DTNB: variants seen among roughly 807,000 people sequenced by gnomAD.
The protein encoded by DTNB is dystrobrevin beta.
A neutral mutation model predicts 90.7 loss-of-function variants in DTNB; 63 were observed. The ratio of observed to expected loss-of-function variants is 0.69; its 90% CI spans 0.57 to 0.86. The LOEUF (loss-of-function observed/expected upper bound fraction) is 0.86, where lower values mean the gene tolerates loss of function less well. Among genes scored for constraint, DTNB ranks in the 40% least tolerant of loss-of-function variants. The pLI is 0.00. For missense variants in DTNB, 744 were observed against 807.1 expected, an observed-to-expected ratio of 0.92 and a Z score of 0.95; for synonymous variants, 277 against 286.7, an observed-to-expected ratio of 0.97 and a Z score of 0.34.
At chr2:25,587,728 G>C (rs891983268) in intron 6 of DTNB, among the ~76,000 whole-genome samples, 1 of 152,056 alleles carries the variant, frequency 6.6e-6, no homozygotes, top group Non-Finnish European at 1.5e-5. Flanking sequence ...TCCTTCACAG[G>C]CCCAACTAGA....
At chr2:25,472,770 G>A (rs2063048045) in intron 10 of DTNB, among the ~76,000 whole-genome samples, 1 of 152,230 alleles carries the variant, frequency 6.6e-6, no homozygotes, top group Non-Finnish European at 1.5e-5. Context: ...TGTAGTCACA[G>A]CTACTCAGGA....
chr2:25,387,614 G>A lies in DTNB; in HGVS notation c.1736-236C>T, dbSNP rs1381036673. On this transcript the variant is annotated intron_variant, in intron 17 of 20. Transcript: ENST00000406818. The surrounding 1 kb of genome is among the most constrained non-coding windows in gnomAD (Gnocchi z 4.5). ...GGGAGCAGCATCCTGTCAACTCCACGCTTTGCCGCCACCACACAATCCAGA... is the reference window on the plus strand; with the variant it reads ...GGGAGCAGCATCCTGTCAACTCCACACTTTGCCGCCACCACACAATCCAGA... 1.3e-5 allele frequency among the ~76,000 whole-genome samples: 2 copies of A among 152,090 alleles called. No individual in the cohort carries two copies. Among genetic ancestry groups the A allele is most frequent in the South Asian group, 2.1e-4 (1 of 4,822 alleles).
intron 9 of DTNB, among the ~76,000 whole-genome samples, chr2:25,512,830 A>G (rs528931701): frequency 8.5e-4 from 129 of 152,346 alleles, no homozygotes; most frequent in Middle Eastern, 3.4e-3. Context: ...AAGGGTAGGA[A>G]GGCAGCAGGT....
intron 1 of DTNB, among the ~76,000 whole-genome samples, chr2:25,668,147 G>A (rs948820304): frequency 6.6e-6 from 1 of 152,162 alleles, no homozygotes; most frequent in Admixed American, 6.5e-5. Context: ...GCTGAGGCAG[G>A]AGAATGGTGT....
chr2:25,477,839 C>T (rs562005507), intron 10 of DTNB, among the ~76,000 whole-genome samples: 30 of 152,070 alleles, frequency 2.0e-4, no homozygotes, highest in Middle Eastern at 3.2e-3. Context: ...TCTGAATCTG[C>T]GTTTCCAGAG....
At chr2:25,593,108 AAGCAG>A (rs1365466467) in intron 6 of DTNB, among the ~76,000 whole-genome samples, 6 of 152,200 alleles carry the variant, frequency 3.9e-5, no homozygotes, top group African/African-American at 1.4e-4. Flanking sequence ...GCAGAAAGTG[AAGCAG>A]CTCATGGGTC....
intron 1 of DTNB, among the ~76,000 whole-genome samples, chr2:25,668,173 A>G (rs1296037797): frequency 6.6e-6 from 1 of 152,174 alleles, no homozygotes; most frequent in Non-Finnish European, 1.5e-5. Context: ...CGGGAGGCAG[A>G]GCTCGCAGTG....
At chr2:25,627,736 CTTTT>C (rs569673438) in intron 4 of DTNB, among the ~76,000 whole-genome samples, 5 of 136,084 alleles carry the variant, frequency 3.7e-5, no homozygotes, top group Admixed American at 7.4e-5. Context: ...AATAATTTTC[CTTTT>C]TTTTTTTTTT....
At chr2:25,633,863 G>C (rs144199742) in intron 3 of DTNB, among the ~76,000 whole-genome samples, 9 of 141,388 alleles carry the variant, frequency 6.4e-5, no homozygotes, top group Admixed American at 2.1e-4. Context: ...ACCCGGCCGC[G>C]ACCCCGTCTG....
Position 25,627,837 on chromosome 2 carries a change from A to T in DTNB, c.362+334T>A, listed in dbSNP as rs559639389. Among the ~76,000 whole-genome samples the T allele has an allele frequency of 3.3e-5, 5 of 151,516 alleles. No homozygotes were observed. The East Asian group carries it at 7.8e-4, about 24-fold the overall frequency. ...CTGCAACCTCTGCCTCCTGGGTTCA[A>T]GCAATTCTCCTGCCTCAGCCTCCTA... On this transcript the variant is annotated intron_variant, in intron 4 of 20. Coordinates refer to ENST00000406818, the MANE Select transcript of DTNB (RefSeq NM_021907.5).
chr2:25,387,919 AGACAAAGCCCAAAG>A lies in DTNB; in HGVS notation c.1735+269_1735+282del, dbSNP rs554034121. Reference sequence around the variant, plus strand: ...TTATTCCATCCAATTCCTCTGGAGGAGACAAAGCCCAAAGGACAAAGCACTTCCAATAATCCAGA... The same window carrying A: ...TTATTCCATCCAATTCCTCTGGAGGAGACAAAGCACTTCCAATAATCCAGA... On this transcript the variant is annotated intron_variant, in intron 17 of 20. Coordinates refer to ENST00000406818, the MANE Select transcript of DTNB (RefSeq NM_021907.5). This position sits in a 1 kb window ranked among gnomAD's most constrained non-coding sequence, Gnocchi z 4.5. 2.0e-5 allele frequency among the ~76,000 whole-genome samples: 3 copies of A among 152,348 alleles called. No homozygotes were observed. The highest frequency in any genetic ancestry group is 2.0e-4 in the Admixed American group (3 of 15,308).
Position 25,576,845 on chromosome 2 carries a change from G to A in DTNB, c.869C>T (p.Ser290Phe). Residue 290 changes from serine to phenylalanine, a missense_variant, in exon 8 of 21, where the codon TCC becomes TTC. Physicochemically the swap from Ser to Phe is radical, Grantham distance 155 (BLOSUM62 -2). Coordinates refer to ENST00000406818, the MANE Select transcript of DTNB (RefSeq NM_021907.5). ...GAAACACAAAGCAGTTACCCAAGAGGAATGCTCCTTCATCTGGTGCTGGTT... is the reference window on the plus strand; with the variant it reads ...GAAACACAAAGCAGTTACCCAAGAGAAATGCTCCTTCATCTGGTGCTGGTT... Reference protein sequence around the residue: ...HSNQHQMKEHSSWKSPAKKLS... With the variant: ...HSNQHQMKEHFSWKSPAKKLS... 6.2e-7 allele frequency: 1 copy of A among 1,611,922 alleles called. No homozygotes were observed. Among genetic ancestry groups the A allele is most frequent in the Non-Finnish European group, 8.5e-7 (1 of 1,178,936 alleles).
At chr2:25,600,952 C>T (rs2065752699) in intron 5 of DTNB, among the ~76,000 whole-genome samples, 1 of 152,154 alleles carries the variant, frequency 6.6e-6, no homozygotes. Context: ...TGTCTATTTG[C>T]TTTAATGAGA....
chr2:25,610,531 G>A (rs1279186356), intron 4 of DTNB, among the ~76,000 whole-genome samples: 1 of 152,088 alleles, frequency 6.6e-6, no homozygotes, highest in African/African-American at 2.4e-5. Context: ...CTATAGAAAA[G>A]TGCATAATTC....
intron 8 of DTNB, among the ~76,000 whole-genome samples, chr2:25,557,396 C>G (rs2057543647): frequency 6.6e-6 from 1 of 152,184 alleles, no homozygotes; most frequent in Non-Finnish European, 1.5e-5. Flanking sequence ...CCGGACACAT[C>G]ACAGTTCCAA....
intron 15 of DTNB, among the ~76,000 whole-genome samples, chr2:25,421,878 A>AT (rs1558454743): frequency 6.6e-6 from 1 of 152,340 alleles, no homozygotes; most frequent in East Asian, 1.9e-4. Flanking sequence ...TGCAGTAGAT[A>AT]TATCAGGTTA....
chr2:25,492,623 GGAGGCC>G (rs2150479704), intron 9 of DTNB, among the ~76,000 whole-genome samples: 1 of 152,224 alleles, frequency 6.6e-6, no homozygotes, highest in South Asian at 2.1e-4. Flanking sequence ...CACCACTTTG[GGAGGCC>G]GAGGCAGGAG....
intron 14 of DTNB, among the ~76,000 whole-genome samples, chr2:25,430,163 ATTAT>A (rs781761633): frequency 2.3e-4 from 35 of 152,048 alleles, no homozygotes; most frequent in Non-Finnish European, 4.6e-4. Context: ...GTATACATAC[ATTAT>A]ATTATATATA....
chr2:25,594,287 G>A (rs1048684726), intron 6 of DTNB, among the ~76,000 whole-genome samples: 1 of 152,218 alleles, frequency 6.6e-6, no homozygotes, highest in Non-Finnish European at 1.5e-5. Context: ...AAAAGCTGAT[G>A]CTGATTGCCA....
Sources: gnomAD v4.1 joint callset for allele counts (sites outside exome capture counted in the v4.1 genomes callset) on GRCh38, gnomAD v4.1.1 for gene constraint, Gnocchi (gnomAD v3.1) non-coding constraint, MANE v1.5 for transcripts, NCBI Gene and HGNC (gene_info 2026-07-23, HGNC 2026-07-21) for gene names.